TCN1: variants seen among roughly 807,000 people sequenced by gnomAD.
TCN1 encodes transcobalamin-1.
TCN1 carries 47 observed loss-of-function variants against 46.3 expected under a neutral mutation model. The ratio of observed to expected loss-of-function variants is 1.01; its 90% confidence interval spans 0.80 to 1.29. TCN1 has a LOEUF of 1.29. Among genes scored for constraint, TCN1 ranks in the 50% most tolerant of loss-of-function variants. TCN1 has a pLI of 0.00. For missense variants in TCN1, 532 were observed against 511.0 expected, an observed-to-expected ratio of 1.04 and a Z score of -0.40; for synonymous variants, 183 against 192.5, an observed-to-expected ratio of 0.95 and a Z score of 0.41.
chr11:59,858,934 C>T (rs561592317), intron 5 of TCN1, 143 bp downstream of exon 5: 46 of 908,416 alleles, frequency 5.1e-5, no homozygotes, highest in East Asian at 2.3e-4. Flanking sequence ...ACTCGGGAGG[C>T]GGAGGTCGCA....
chr11:59,861,484 G>T, intron 4 of TCN1, 43 bp downstream of exon 4: 2 of 1,604,356 alleles, frequency 1.2e-6, no homozygotes, highest in South Asian at 2.2e-5. Flanking sequence ...ACCTACTGGT[G>T]ACCATGTCCT....
Position 59,855,864 on chromosome 11 carries a change from T to C in TCN1, c.937+5A>G. The C allele has an allele frequency of 6.2e-7, 1 of 1,613,724 alleles. No homozygotes were observed. Among genetic ancestry groups the C allele is most frequent in the South Asian group, 1.1e-5 (1 of 91,076 alleles). Reference sequence around the variant, plus strand: ...GAAACAGTGTGCTCTCTTTAATGCTTATACCTGAAGCAGAGACGCAAGAAG... The same window carrying C: ...GAAACAGTGTGCTCTCTTTAATGCTCATACCTGAAGCAGAGACGCAAGAAG... On this transcript the variant is annotated splice_donor_5th_base_variant and intron_variant, in intron 6 of 8. Coordinates refer to ENST00000257264, the MANE Select transcript of TCN1 (RefSeq NM_001062.4).
At chr11:59,860,286 C>T (rs1007759488) in intron 4 of TCN1, among the ~76,000 whole-genome samples, 5 of 152,002 alleles carry the variant, frequency 3.3e-5, no homozygotes, top group Admixed American at 1.3e-4. Flanking sequence ...TGAGCCACCA[C>T]GCCCAGCTAA....
chr11:59,864,149 G>C (rs1853047553), intron 1 of TCN1, 63 bp from the exon 2 acceptor site: 1 of 1,556,858 alleles, frequency 6.4e-7, no homozygotes, highest in Non-Finnish European at 8.9e-7. Context: ...CTTGCAGCAG[G>C]GGTTATATAA....
In TCN1 at chr11:59,855,983, C is replaced by T. The variant is rs1852927993; in HGVS notation, c.823G>A (p.Glu275Lys). The change falls in exon 6 of 9, where the codon GAA becomes AAA. Residue 275 changes from glutamate to lysine, a missense_variant. Coordinates refer to ENST00000257264, the MANE Select transcript of TCN1 (RefSeq NM_001062.4). ...CQQTLNTVLT[E>K]ISQGAFSNPN... ...TTGCTGAATGCTCCTTGAGAAATTT[C>T]CGTGAGCACTGTATTCAGAGTTTGT... 3 of 1,612,986 alleles carry T rather than the reference C, an allele frequency of 1.9e-6. No individual in the cohort carries two copies. The highest frequency in any genetic ancestry group is 2.7e-5 in the African/African-American group (2 of 74,634).
rs1853014479 is a variant in TCN1 at position 59,861,568 on chromosome 11, G to A, written c.515C>T (p.Pro172Leu). 1 of 1,614,126 alleles carries A rather than the reference G, an allele frequency of 6.2e-7. No homozygotes were observed. The highest frequency in any genetic ancestry group is 8.5e-7 in the Non-Finnish European group (1 of 1,180,002). ...ACCAAAATAATAGTTTTTATTTTCA[G>A]GAGTGAAGTGGTTGACAACTTCGGC... ...STAEVVNHFTPENKNYYFGSQ... is the reference protein window; with the variant it reads ...STAEVVNHFTLENKNYYFGSQ... The change falls in exon 4 of 9, where the codon CCT becomes CTT. Residue 172 changes from proline to leucine, a missense_variant. Physicochemically the swap from Pro to Leu is moderately conservative, Grantham distance 98. Coordinates refer to ENST00000257264, the MANE Select transcript of TCN1 (RefSeq NM_001062.4).
chr11:59,853,537 G>T lies in TCN1; in HGVS notation c.1122-216C>A, dbSNP rs78136883. Among the ~76,000 whole-genome samples the T allele has an allele frequency of 0.031, 4,644 of 152,212 alleles. 214 individuals are homozygous for T. Among genetic ancestry groups the T allele is most frequent in the African/African-American group, 0.093 (3,851 of 41,512 alleles). On this transcript the variant is annotated intron_variant, in intron 7 of 8. Transcript: ENST00000257264. ...AACACTCCAGCTGATTCTAATGCAGGCACTCCACACTCCATGCTAAATTAG... is the reference window on the plus strand; with the variant it reads ...AACACTCCAGCTGATTCTAATGCAGTCACTCCACACTCCATGCTAAATTAG...
At chr11:59,866,321 C>T (rs1853074824) in intron 1 of TCN1, 71 bp downstream of exon 1, 2 of 1,470,742 alleles carry the variant, frequency 1.4e-6, no homozygotes, top group Admixed American at 3.4e-5. Context: ...GGTAACTCTA[C>T]ATAGAGTCTC....
At chr11:59,864,959 T>C (rs1235437732) in intron 1 of TCN1, among the ~76,000 whole-genome samples, 1 of 152,172 alleles carries the variant, frequency 6.6e-6, no homozygotes, top group Non-Finnish European at 1.5e-5. Flanking sequence ...CTGTGGATAA[T>C]AACTTATGTA....
At position 59,853,047 on chromosome 11, in the gene TCN1, A is replaced by C. The variant is rs550846841; in HGVS notation, c.1241-11T>G. ...CGTAACTACCAGCTCCTGAAAAGGA[A>C]GAAGAAAGAGAACTGGGTCAAATGA... On this transcript the variant is annotated splice_polypyrimidine_tract_variant and intron_variant, in intron 8 of 8. Transcript: ENST00000257264. 1 of 1,614,076 alleles carries C rather than the reference A, an allele frequency of 6.2e-7. No individual in the cohort carries two copies. Among genetic ancestry groups the C allele is most frequent in the East Asian group, 2.2e-5 (1 of 44,878 alleles).
intron 5 of TCN1, 64 bp downstream of exon 5, chr11:59,859,013 A>T (rs531268273): frequency 1.3e-6 from 2 of 1,583,012 alleles, no homozygotes; most frequent in East Asian, 2.2e-5. Flanking sequence ...TTAAAAAAAA[A>T]AAAATACTGC....
Position 59,854,681 on chromosome 11 carries a change from T to C in TCN1, c.1092A>G (p.Lys364=). Residue 364 remains lysine (K), a synonymous_variant, in exon 7 of 9, where the codon AAA becomes AAG. Coordinates refer to ENST00000257264, the MANE Select transcript of TCN1 (RefSeq NM_001062.4). ...ATATAGTATCATTCATTTTCTGGGC[T>C]TTCTCCATCACACTGAGGAAGACAG... ...NGSVFLSVME[K]AQKMNDTIFG... is the part of the protein sequence containing the mutation. 6.2e-7 allele frequency: 1 copy of C among 1,614,020 alleles called. No individual in the cohort carries two copies. Among genetic ancestry groups the C allele is most frequent in the Non-Finnish European group, 8.5e-7 (1 of 1,179,902 alleles).
At chr11:59,855,826 T>A in intron 6 of TCN1, 43 bp downstream of exon 6, 1 of 1,608,234 alleles carries the variant, frequency 6.2e-7, no homozygotes, top group Non-Finnish European at 8.5e-7. Context: ...CTTTGGGTGC[T>A]ATGGTGAAAA....
intron 6 of TCN1, among the ~76,000 whole-genome samples, 177 bp downstream of exon 6, chr11:59,855,692 A>T (rs1430559631): frequency 6.6e-6 from 1 of 152,234 alleles, no homozygotes; most frequent in Non-Finnish European, 1.5e-5. Flanking sequence ...TCAGTTAAGA[A>T]CAAATCCTCA....
At chr11:59,853,401 G>T in intron 7 of TCN1, 80 bp from the exon 8 acceptor site, 1 of 1,215,946 alleles carries the variant, frequency 8.2e-7, no homozygotes, top group Non-Finnish European at 1.2e-6. Context: ...AAACTTTAAT[G>T]TACCTGAGAA....
At chr11:59,862,530 C>T (rs924190027) in intron 3 of TCN1, 52 bp downstream of exon 3, 2 of 1,598,260 alleles carry the variant, frequency 1.3e-6, no homozygotes, top group Admixed American at 3.3e-5. Context: ...AGTTTTGAAT[C>T]AGTGGAGGAG....
chr11:59,853,408 A>G, intron 7 of TCN1, 87 bp from the exon 8 acceptor site: 2 of 1,156,262 alleles, frequency 1.7e-6, no homozygotes, highest in Non-Finnish European at 2.6e-6. Context: ...AATGTACCTG[A>G]GAATCACTTG....
rs761249869 is a variant in TCN1, at chr11:59,866,450, C to A, written c.21G>T (p.Leu7=). Residue 7 remains leucine, a synonymous_variant, in exon 1 of 9, where the codon CTG becomes CTT. Coordinates refer to ENST00000257264, the MANE Select transcript of TCN1 (RefSeq NM_001062.4). The part of the protein sequence containing the change: MRQSHQ[L]PLVGLLLFSF... ...AAAACAGTAAGAGCCCCACTAGGGGCAGCTGGTGTGACTGTCTCATCTCTC... is the reference window on the plus strand; with the variant it reads ...AAAACAGTAAGAGCCCCACTAGGGGAAGCTGGTGTGACTGTCTCATCTCTC... The A allele has an allele frequency of 2.5e-6, 4 of 1,613,498 alleles. No homozygotes were observed. The Admixed American group carries it at 6.7e-5, about 27-fold the overall frequency.
chr11:59,857,894 T>A (rs1248037640), intron 5 of TCN1, among the ~76,000 whole-genome samples: 3 of 152,200 alleles, frequency 2.0e-5, no homozygotes, highest in Non-Finnish European at 4.4e-5. Context: ...TGACTCATGC[T>A]CCTAGTTTAG....
Sources: gnomAD v4.1 joint callset for allele counts (sites outside exome capture counted in the v4.1 genomes callset) on GRCh38, gnomAD v4.1.1 for gene constraint, MANE v1.5 for transcripts, NCBI Gene and HGNC (gene_info 2026-07-23, HGNC 2026-07-21) for gene names.